The following MOSMO variants were observed in gnomAD, a reference collection of about 807,000 sequenced individuals.
MOSMO encodes modulator of smoothened protein.
In MOSMO, 5 loss-of-function variants were observed where a neutral mutation model predicts 18.4. The observed-to-expected ratio is 0.27, with a 90% CI of 0.14 to 0.57. The LOEUF (loss-of-function observed/expected upper bound fraction) is 0.57. Ranked by LOEUF, MOSMO falls within the 20% of genes least tolerant of loss-of-function variation. The probability of loss-of-function intolerance (pLI) is 0.92; values close to 1 mark genes in which losing one functional copy is unlikely to be tolerated. For missense variants in MOSMO, 138 were observed against 211.8 expected (o/e 0.65, Z 2.16); for synonymous variants, 82 against 82.3 (o/e 1.00, Z 0.02).
chr16:22,070,183 C>T (rs1900821058), intron 1 of MOSMO, among the ~76,000 whole-genome samples: 1 of 152,148 alleles, frequency 6.6e-6, no homozygotes, highest in Admixed American at 6.5e-5. Flanking sequence ...AGTCTTGGAA[C>T]AGCCTCAGCA....
chr16:22,032,188 CTTT>C (rs1323183775), intron 1 of MOSMO, among the ~76,000 whole-genome samples: 7 of 132,666 alleles, frequency 5.3e-5, no homozygotes, highest in Admixed American at 7.6e-5. Flanking sequence ...CTACCCTTTT[CTTT>C]TTTTTTTTTT....
At chr16:22,064,292 C>A (rs770490993) in intron 1 of MOSMO, 1 of 456,176 alleles carries the variant, frequency 2.2e-6, no homozygotes, top group Admixed American at 2.4e-5. Context: ...ACTTTTCTGG[C>A]CACAAGAATT....
At chr16:22,036,290 C>T (rs1253668291) in intron 1 of MOSMO, among the ~76,000 whole-genome samples, 2 of 151,950 alleles carry the variant, frequency 1.3e-5, no homozygotes, top group East Asian at 1.9e-4. Flanking sequence ...CCATGCCTGG[C>T]TAATTTTTGT....
At chr16:22,056,850 C>G (rs1900548630) in intron 1 of MOSMO, among the ~76,000 whole-genome samples, 1 of 152,184 alleles carries the variant, frequency 6.6e-6, no homozygotes, top group African/African-American at 2.4e-5. Context: ...AAATGCATTT[C>G]TGATTCTATT....
At chr16:22,009,855 G>T (rs1380382026) in intron 1 of MOSMO, among the ~76,000 whole-genome samples, 1 of 147,560 alleles carries the variant, frequency 6.8e-6, no homozygotes, top group Non-Finnish European at 1.5e-5. Flanking sequence ...AGCCGGGCAT[G>T]GTGGCGTGCA....
At chr16:22,017,326 C>T (rs1238688879) in intron 1 of MOSMO, among the ~76,000 whole-genome samples, 1 of 152,172 alleles carries the variant, frequency 6.6e-6, no homozygotes, top group African/African-American at 2.4e-5. Flanking sequence ...TGTACGGTGA[C>T]AGCAGTGACA....
intron 2 of MOSMO, among the ~76,000 whole-genome samples, chr16:22,077,314 C>T (rs918059773): frequency 6.6e-6 from 1 of 152,112 alleles, no homozygotes. Context: ...GTTTTCCATT[C>T]CCCTTAAGCA....
intron 1 of MOSMO, among the ~76,000 whole-genome samples, chr16:22,067,245 T>C (rs1900764059): frequency 6.6e-6 from 1 of 152,000 alleles, no homozygotes; most frequent in Non-Finnish European, 1.5e-5. Context: ...ATCAGGTATA[T>C]CAACATACAC....
At chr16:22,070,596 G>C (rs978159814) in intron 1 of MOSMO, among the ~76,000 whole-genome samples, 9 of 152,142 alleles carry the variant, frequency 5.9e-5, no homozygotes, top group African/African-American at 2.2e-4. Context: ...AGCCTATTAT[G>C]TTACTCAGGT....
Position 22,080,724 on chromosome 16 carries a change from A to G in MOSMO, c.348A>G (p.Ile116Met), listed in dbSNP as rs892916907. Residue 116 changes from isoleucine to methionine, a missense_variant, in exon 3 of 3, where the codon ATA (isoleucine) becomes ATG (methionine). Physicochemically the swap from Ile to Met is conservative, Grantham distance 10 (BLOSUM62 1). Coordinates refer to ENST00000542527, the MANE Select transcript of MOSMO (RefSeq NM_001164579.2). The stretch of plus-strand genomic sequence containing the variant: ...TCCTTTTCTGTATGGCTGCCCTAAT[A>G]TTTCCAATAGGATTTTACATCAATG... ...GMILFCMAALIFPIGFYINEV... is the reference protein window; with the variant it reads ...GMILFCMAALMFPIGFYINEV... The G allele has an allele frequency of 3.3e-6, 5 of 1,498,890 alleles. No homozygotes were observed. The highest frequency in any genetic ancestry group is 4.4e-6 in the Non-Finnish European group (5 of 1,131,868). 92.8% of individuals were successfully genotyped at this position (1,498,890 alleles called of 1,614,324 possible). A position where few individuals can be genotyped will look rare whatever the true frequency, so the allele number is the denominator to read the frequency against.
rs1325440292 is a variant in MOSMO, at chr16:22,039,076, AATC to A, written c.106+30673_106+30675del. Among the ~76,000 whole-genome samples the A allele has an allele frequency of 3.9e-5, 6 of 152,316 alleles. No homozygotes were observed. In the East Asian group the frequency reaches 1.2e-3, roughly 29 times the overall value. On this transcript the variant is annotated intron_variant, in intron 1 of 2. Transcript: ENST00000542527. ...TGAATCATATCAGTTTTCTAATCAT[AATC>A]ATCTATTCAGGCAGATTATTCAACC...
chr16:22,014,099 G>A (rs965886841), intron 1 of MOSMO, among the ~76,000 whole-genome samples: 1 of 152,084 alleles, frequency 6.6e-6, no homozygotes, highest in African/African-American at 2.4e-5. Context: ...GACAGAACTG[G>A]GGGAACTGCC....
intron 1 of MOSMO, among the ~76,000 whole-genome samples, chr16:22,009,835 A>AAAAAAAC (rs1899485096): frequency 7.0e-6 from 1 of 143,310 alleles, no homozygotes; most frequent in Non-Finnish European, 1.5e-5. Context: ...AAAAAAAAAA[A>AAAAAAAC]AAGAGAATTA....
At position 22,016,279 on chromosome 16, in the gene MOSMO, G is replaced by A. The variant is rs938088498; in HGVS notation, c.106+7872G>A. Among the ~76,000 whole-genome samples the A allele has an allele frequency of 3.9e-5, 6 of 152,178 alleles. No homozygotes were observed. The South Asian group carries it at 1.0e-3, about 26-fold the overall frequency. ...TTACCTCAAAGGATAGTTGTGAGGA[G>A]ATAAAATGTGGCATATAAGAGATTA... is the stretch of plus-strand genomic sequence containing the variant. On this transcript the variant is annotated intron_variant, in intron 1 of 2. Transcript: ENST00000542527.
At position 22,056,178 on chromosome 16, in the gene MOSMO, C is replaced by T. The variant is rs191544461; in HGVS notation, c.107-19309C>T. Among the ~76,000 whole-genome samples, 5 of 152,112 alleles carry T rather than the reference C, an allele frequency of 3.3e-5. No individual in the cohort carries two copies. In the South Asian group the frequency reaches 6.2e-4, roughly 19 times the overall value. The stretch of plus-strand genomic sequence containing the variant: ...CTGTGCTAGACTTTGTAGCTTTGCC[C>T]GGAAGCCCTCTCTATTTGGGGACTA... On this transcript the variant is annotated intron_variant, in intron 1 of 2. Coordinates refer to ENST00000542527, the MANE Select transcript of MOSMO (RefSeq NM_001164579.2).
chr16:22,022,148 A>G (rs928184902), intron 1 of MOSMO, among the ~76,000 whole-genome samples: 1 of 151,628 alleles, frequency 6.6e-6, no homozygotes, highest in Non-Finnish European at 1.5e-5. Flanking sequence ...TTAAAGTAGG[A>G]TATATCATTG....
intron 1 of MOSMO, among the ~76,000 whole-genome samples, chr16:22,012,598 G>A (rs1899554219): frequency 6.6e-6 from 1 of 152,012 alleles, no homozygotes; most frequent in Non-Finnish European, 1.5e-5. Flanking sequence ...GAATAATACA[G>A]CCATGCTTAG....
At chr16:22,038,180 A>T (rs138135943) in intron 1 of MOSMO, among the ~76,000 whole-genome samples, 31 of 152,392 alleles carry the variant, frequency 2.0e-4, no homozygotes, top group African/African-American at 7.2e-4. Flanking sequence ...TATTTATTTC[A>T]CAGTATAACA....
intron 1 of MOSMO, among the ~76,000 whole-genome samples, chr16:22,065,608 G>T (rs934622480): frequency 6.6e-6 from 1 of 152,016 alleles, no homozygotes; most frequent in Non-Finnish European, 1.5e-5. Flanking sequence ...GTACTGTCCT[G>T]TGTATGTTTT....
Sources: allele counts gnomAD v4.1 joint callset (sites outside exome capture counted in the v4.1 genomes callset), GRCh38; gene constraint gnomAD v4.1.1; transcripts MANE v1.5; gene names NCBI Gene and HGNC (gene_info 2026-07-23, HGNC 2026-07-21).